PTK2B: variants seen among roughly 807,000 people sequenced by gnomAD.
PTK2B encodes the protein protein tyrosine kinase 2 beta, also known as protein-tyrosine kinase 2-beta.
Under a neutral mutation model 142.9 loss-of-function variants are expected in PTK2B, and 71 were observed. The observed-to-expected ratio is 0.50, with a 90% CI of 0.41 to 0.61. PTK2B has a LOEUF of 0.61. Among genes scored for constraint, PTK2B ranks in the 20% least tolerant of loss-of-function variants. PTK2B has a pLI of 0.00. For missense variants in PTK2B, 1,105 were observed against 1,320.4 expected, an observed-to-expected ratio of 0.84 and a Z score of 2.53; for synonymous variants, 519 against 503.4, an observed-to-expected ratio of 1.03 and a Z score of -0.42.
chr8:27,458,455 C>G lies in PTK2B; in HGVS notation c.2976C>G (p.Asp992Glu). The G allele has an allele frequency of 6.2e-7, 1 of 1,602,920 alleles. No homozygotes were observed. The highest frequency in any genetic ancestry group is 8.5e-7 in the Non-Finnish European group (1 of 1,174,768). ...TLAVDAKNLL[D>E]AVDQAKVLAN... ...CTGTGGACGCCAAGAACCTGCTCGA[C>G]GCTGTGGACCAGGCCAAGGTTCTGG... The change falls in exon 31 of 31, where the codon GAC becomes GAG. Residue 992 changes from aspartate (D) to glutamate (E), a missense_variant. Coordinates refer to ENST00000346049, the MANE Select transcript of PTK2B (RefSeq NM_173176.3).
intron 1 of PTK2B, among the ~76,000 whole-genome samples, chr8:27,345,735 C>T (rs1488257235): frequency 6.6e-6 from 1 of 152,202 alleles, no homozygotes; most frequent in East Asian, 1.9e-4. Flanking sequence ...TTCTATGACA[C>T]ATGGGTGATT....
chr8:27,318,239 G>A (rs1803134361), intron 3 of PTK2B, among the ~76,000 whole-genome samples: 1 of 152,176 alleles, frequency 6.6e-6, no homozygotes, highest in African/African-American at 2.4e-5. Flanking sequence ...TTTGCCTGCA[G>A]CAATCTGCTT....
At chr8:27,451,656 G>A in intron 27 of PTK2B, 147 bp downstream of exon 27, 2 of 1,499,192 alleles carry the variant, frequency 1.3e-6, no homozygotes, top group Non-Finnish European at 1.8e-6. Flanking sequence ...AGCATGTGGG[G>A]CAGGCCAGCT....
At chr8:27,400,281 G>A (rs1295627152) in intron 2 of PTK2B, among the ~76,000 whole-genome samples, 1 of 152,106 alleles carries the variant, frequency 6.6e-6, no homozygotes, top group East Asian at 1.9e-4. Flanking sequence ...TAAATAGGCT[G>A]ATATGCCTGG....
At chr8:27,318,272 T>C (rs1803134685) in intron 3 of PTK2B, among the ~76,000 whole-genome samples, 2 of 152,190 alleles carry the variant, frequency 1.3e-5, no homozygotes, top group African/African-American at 4.8e-5. Flanking sequence ...TGATGTTTCC[T>C]GCACACGGTG....
chr8:27,370,627 A>G (rs1382585501), intron 1 of PTK2B, among the ~76,000 whole-genome samples: 2 of 152,228 alleles, frequency 1.3e-5, no homozygotes. Context: ...CTTCATCCAC[A>G]TGAGACTCAA....
At position 27,375,747 on chromosome 8, in the gene PTK2B, C is replaced by A. The variant is rs934339763; in HGVS notation, c.-37-21801C>A. ...GGCACCTCCCTCCTCCCCAGTTATGCACGGGTGCCCCCAGCTATATAGAAG... is the reference window on the plus strand; with the variant it reads ...GGCACCTCCCTCCTCCCCAGTTATGAACGGGTGCCCCCAGCTATATAGAAG... On this transcript the variant is annotated intron_variant, in intron 1 of 30. Coordinates refer to ENST00000346049, the MANE Select transcript of PTK2B (RefSeq NM_173176.3). Among the ~76,000 whole-genome samples, 6 of 152,340 alleles carry A rather than the reference C, an allele frequency of 3.9e-5. No homozygotes were observed. The East Asian group carries it at 1.2e-3, about 29-fold the overall frequency.
At chr8:27,444,130 C>T in intron 22 of PTK2B, 76 bp from the exon 23 acceptor site, 2 of 1,457,166 alleles carry the variant, frequency 1.4e-6, no homozygotes, top group Non-Finnish European at 1.9e-6. Context: ...GTGTCTTTGA[C>T]CTGATGTTCC....
At chr8:27,402,424 A>T (rs1808439360) in intron 2 of PTK2B, among the ~76,000 whole-genome samples, 1 of 152,202 alleles carries the variant, frequency 6.6e-6, no homozygotes, top group South Asian at 2.1e-4. Context: ...AGATCCTTGG[A>T]TACATAATTC....
At chr8:27,432,172 C>A in intron 9 of PTK2B, 88 bp from the exon 10 acceptor site, 1 of 1,161,324 alleles carries the variant, frequency 8.6e-7, no homozygotes, top group South Asian at 1.4e-5. Context: ...CCCAGTTCCT[C>A]CTCACCCCGG....
intron 5 of PTK2B, 87 bp from the exon 6 acceptor site, chr8:27,430,006 G>A: frequency 8.3e-7 from 1 of 1,208,236 alleles, no homozygotes; most frequent in Admixed American, 1.7e-5. Flanking sequence ...GGCAGGGGAA[G>A]GGGGCTTCTG....
At chr8:27,334,973 C>T (rs1339831895) in intron 1 of PTK2B, among the ~76,000 whole-genome samples, 1 of 152,202 alleles carries the variant, frequency 6.6e-6, no homozygotes, top group Non-Finnish European at 1.5e-5. Context: ...CCTTTTCTCT[C>T]CTCCTCCTAC....
In PTK2B at chr8:27,442,899, C is replaced by A. The variant is rs368617865; in HGVS notation, c.2064C>A (p.Asp688Glu). Residue 688 changes from aspartate to glutamate, a missense_variant, in exon 22 of 31, where the codon GAC (aspartate) becomes GAA (glutamate). By Grantham distance (45) the Asp-to-Glu change is conservative (BLOSUM62 2). Coordinates refer to ENST00000346049, the MANE Select transcript of PTK2B (RefSeq NM_173176.3). ...SLSDVYQMEK[D>E]IAMEQERNAR... ...GTGACGTTTATCAGATGGAGAAGGA[C>A]ATTGCCATGGAGCAAGAGAGGAATG... 2.6e-5 allele frequency: 42 copies of A among 1,614,142 alleles called. No homozygotes were observed. In the East Asian group the frequency reaches 6.9e-4, roughly 27 times the overall value.
chr8:27,342,150 C>T (rs1350340070), intron 1 of PTK2B, among the ~76,000 whole-genome samples: 1 of 152,200 alleles, frequency 6.6e-6, no homozygotes, highest in Non-Finnish European at 1.5e-5. Context: ...CCCTCAAGCA[C>T]CTTTGCAATT....
chr8:27,418,239 A>G (rs1809522611), intron 2 of PTK2B, among the ~76,000 whole-genome samples: 1 of 152,166 alleles, frequency 6.6e-6, no homozygotes, highest in Non-Finnish European at 1.5e-5. Flanking sequence ...TTCTAGTTTC[A>G]CAACTCCCTG....
chr8:27,447,837 C>T (rs759047651), intron 24 of PTK2B, among the ~76,000 whole-genome samples: 3 of 152,078 alleles, frequency 2.0e-5, no homozygotes, highest in African/African-American at 7.2e-5. Flanking sequence ...CCAACCTGGG[C>T]AACAGAGCAA....
chr8:27,393,975 G>T (rs866981357), intron 1 of PTK2B, among the ~76,000 whole-genome samples: 1 of 152,094 alleles, frequency 6.6e-6, no homozygotes, highest in African/African-American at 2.4e-5. Flanking sequence ...TAAGGGTAAG[G>T]CTGCATTCTC....
At chr8:27,425,425 T>C (rs1189947036) in intron 5 of PTK2B, among the ~76,000 whole-genome samples, 1 of 152,140 alleles carries the variant, frequency 6.6e-6, no homozygotes, top group East Asian at 1.9e-4. Flanking sequence ...TCTTTACCCT[T>C]CTTTTGTTTG....
intron 1 of PTK2B, among the ~76,000 whole-genome samples, chr8:27,388,373 G>A (rs1465157305): frequency 6.6e-6 from 1 of 152,250 alleles, no homozygotes; most frequent in Non-Finnish European, 1.5e-5. Flanking sequence ...GACAAAGAGT[G>A]TGGTTTTGAA....
Sources: allele counts gnomAD v4.1 joint callset (sites outside exome capture counted in the v4.1 genomes callset), GRCh38; gene constraint gnomAD v4.1.1; transcripts MANE v1.5; gene names NCBI Gene and HGNC (gene_info 2026-07-23, HGNC 2026-07-21).